CACHD1: variants seen among roughly 807,000 people sequenced by gnomAD.
The protein encoded by CACHD1 is VWFA and cache domain-containing protein 1.
Under a neutral mutation model 138.7 loss-of-function variants are expected in CACHD1, and 71 were observed. That is an observed-to-expected ratio of 0.51 (90% CI 0.42 to 0.62). The LOEUF is 0.62. Ranked by LOEUF, CACHD1 falls within the 20% of genes least tolerant of loss-of-function variation. The pLI, the probability that CACHD1 is intolerant of heterozygous loss-of-function variation, is 0.00. For missense variants in CACHD1, 1,389 were observed against 1,625.3 expected, an observed-to-expected ratio of 0.85 and a Z score of 2.50; for synonymous variants, 578 against 591.5, an observed-to-expected ratio of 0.98 and a Z score of 0.33.
chr1:64,648,087 A>T, intron 9 of CACHD1, 53 bp downstream of exon 9: 1 of 1,351,312 alleles, frequency 7.4e-7, no homozygotes, highest in Non-Finnish European at 1.0e-6. Context: ...CTGGGCAGAT[A>T]GAAATGGCAC....
intron 26 of CACHD1, among the ~76,000 whole-genome samples, chr1:64,686,903 C>G (rs77493903): frequency 0.012 from 1,883 of 152,244 alleles, 39 homozygotes; most frequent in African/African-American, 0.044. Context: ...AAACATTCTC[C>G]TGCAGTTACT....
At chr1:64,675,682 C>T (rs1309944047) in intron 20 of CACHD1, 121 bp downstream of exon 20, 8 of 1,263,072 alleles carry the variant, frequency 6.3e-6, no homozygotes, top group Non-Finnish European at 8.9e-6. Context: ...AGAAAAGTCA[C>T]AGTTACAAAG....
intron 2 of CACHD1, among the ~76,000 whole-genome samples, chr1:64,559,195 C>T (rs553375606): frequency 1.7e-4 from 26 of 152,234 alleles, no homozygotes; most frequent in Non-Finnish European, 2.9e-4. Flanking sequence ...CACATGTGTG[C>T]GAATGTTCAT....
At chr1:64,526,878 C>T (rs305575) in intron 1 of CACHD1, among the ~76,000 whole-genome samples, 82,997 of 151,990 alleles carry the variant, frequency 0.55, 26,190 homozygotes, top group East Asian at 0.69. Flanking sequence ...TTTATTACTG[C>T]GATTCTTTCG....
At chr1:64,617,962 C>A (rs1647770611) in intron 4 of CACHD1, among the ~76,000 whole-genome samples, 1 of 152,030 alleles carries the variant, frequency 6.6e-6, no homozygotes, top group South Asian at 2.1e-4. Flanking sequence ...TGCCTGTAAT[C>A]CCAGCTACTC....
intron 3 of CACHD1, among the ~76,000 whole-genome samples, chr1:64,596,178 C>A (rs1276798833): frequency 3.3e-5 from 5 of 152,070 alleles, no homozygotes; most frequent in Non-Finnish European, 7.4e-5. Context: ...TGCTCTTGCC[C>A]CTTTCCTCTA....
At chr1:64,570,250 AG>A (rs1169412483) in intron 2 of CACHD1, among the ~76,000 whole-genome samples, 1 of 152,220 alleles carries the variant, frequency 6.6e-6, no homozygotes, top group South Asian at 2.1e-4. Flanking sequence ...CCCTGAATTC[AG>A]TAAATGCTTT....
chr1:64,617,728 G>A (rs1040710442), intron 4 of CACHD1, among the ~76,000 whole-genome samples: 4 of 152,168 alleles, frequency 2.6e-5, no homozygotes, highest in African/African-American at 9.7e-5. Context: ...GTCCCATTCA[G>A]GTCACAGGGT....
At chr1:64,671,500 G>T in intron 16 of CACHD1, 64 bp from the exon 17 acceptor site, 1 of 1,567,704 alleles carries the variant, frequency 6.4e-7, no homozygotes, top group Non-Finnish European at 8.8e-7. Context: ...CCCTGTGACT[G>T]AACATAGCTT....
chr1:64,583,107 C>T (rs1647024802), intron 3 of CACHD1, among the ~76,000 whole-genome samples: 1 of 152,178 alleles, frequency 6.6e-6, no homozygotes, highest in South Asian at 2.1e-4. Flanking sequence ...GACAAGTGCT[C>T]TTGCGGCTAG....
chr1:64,640,928 C>T (rs564169076), intron 7 of CACHD1, among the ~76,000 whole-genome samples: 58 of 151,766 alleles, frequency 3.8e-4, no homozygotes, highest in East Asian at 1.4e-3. Context: ...AGAAGTTCTA[C>T]GGGACCAAAA....
At chr1:64,514,615 G>A (rs1313843279) in intron 1 of CACHD1, among the ~76,000 whole-genome samples, 1 of 152,188 alleles carries the variant, frequency 6.6e-6, no homozygotes, top group African/African-American at 2.4e-5. Context: ...ATTTACCACA[G>A]CAGCAAAGCT....
intron 26 of CACHD1, among the ~76,000 whole-genome samples, chr1:64,687,863 A>T (rs1381699775): frequency 6.6e-6 from 1 of 152,182 alleles, no homozygotes; most frequent in Non-Finnish European, 1.5e-5. Flanking sequence ...GGATACAAAG[A>T]TAAACAGGAA....
At chr1:64,614,258 C>G (rs978062613) in intron 4 of CACHD1, among the ~76,000 whole-genome samples, 1 of 151,896 alleles carries the variant, frequency 6.6e-6, no homozygotes, top group Non-Finnish European at 1.5e-5. Flanking sequence ...GCTTTTCTTG[C>G]CTGGTCTAGA....
At chr1:64,636,425 A>C (rs901983666) in intron 7 of CACHD1, among the ~76,000 whole-genome samples, 1 of 152,210 alleles carries the variant, frequency 6.6e-6, no homozygotes, top group Non-Finnish European at 1.5e-5. Context: ...GTCCAAGTAC[A>C]GCTTAGCTGA....
At chr1:64,586,605 G>A (rs1394337608) in intron 3 of CACHD1, among the ~76,000 whole-genome samples, 2 of 152,128 alleles carry the variant, frequency 1.3e-5, no homozygotes, top group Non-Finnish European at 2.9e-5. Flanking sequence ...TCATCAGTGA[G>A]ATGAGGATAA....
At chr1:64,555,483 G>A (rs528371413) in intron 2 of CACHD1, among the ~76,000 whole-genome samples, 160 of 152,196 alleles carry the variant, frequency 1.1e-3, no homozygotes, top group Non-Finnish European at 1.8e-3. Flanking sequence ...GCAGTGGCAC[G>A]ATCTCAGCTC....
chr1:64,598,742 TA>T (rs997355822), intron 3 of CACHD1, among the ~76,000 whole-genome samples: 16 of 152,162 alleles, frequency 1.1e-4, no homozygotes, highest in African/African-American at 3.4e-4. Context: ...GTATTTGGCA[TA>T]GGGGGAAGGC....
intron 1 of CACHD1, among the ~76,000 whole-genome samples, chr1:64,534,372 T>C (rs17126620): frequency 0.02 from 3,071 of 152,240 alleles, 41 homozygotes; most frequent in Admixed American, 0.024. Flanking sequence ...TGTTATTTTA[T>C]CTCTGACTGT....
Sources: allele counts gnomAD v4.1 joint callset (sites outside exome capture counted in the v4.1 genomes callset), GRCh38; gene constraint gnomAD v4.1.1; transcripts MANE v1.5; gene names NCBI Gene and HGNC (gene_info 2026-07-23, HGNC 2026-07-21).